BNC2: variants seen among roughly 807,000 people sequenced by gnomAD.
BNC2 encodes the protein zinc finger protein basonuclin-2.
In BNC2, 20 loss-of-function variants were observed where a neutral mutation model predicts 76.3. The observed-to-expected ratio is 0.26, with a 90% CI of 0.18 to 0.38. The LOEUF (loss-of-function observed/expected upper bound fraction) is 0.38, where lower values mean the gene tolerates loss of function less well. Among genes scored for constraint, BNC2 ranks in the 10% least tolerant of loss-of-function variants. The pLI is 1.00. For missense variants in BNC2, 1,382 were observed against 1,399.8 expected, an observed-to-expected ratio of 0.99 and a Z score of 0.20; for synonymous variants, 582 against 514.8, an observed-to-expected ratio of 1.13 and a Z score of -1.77.
At chr9:16,849,454 G>A (rs991990700) in intron 1 of BNC2, among the ~76,000 whole-genome samples, 2 of 137,574 alleles carry the variant, frequency 1.5e-5, no homozygotes, top group Admixed American at 1.6e-4. Flanking sequence ...CACCTCCCAA[G>A]TTCAAGCAAG....
intron 1 of BNC2, among the ~76,000 whole-genome samples, chr9:16,788,247 A>C (rs999832931): frequency 6.6e-6 from 1 of 152,132 alleles, no homozygotes; most frequent in Non-Finnish European, 1.5e-5. Context: ...TTGGCTGATG[A>C]CACTCCATAA....
At chr9:16,694,870 C>T (rs1037082367) in intron 3 of BNC2, among the ~76,000 whole-genome samples, 7 of 151,854 alleles carry the variant, frequency 4.6e-5, no homozygotes, top group Non-Finnish European at 8.8e-5. Context: ...TAAGGGATAC[C>T]CCCCCACCCC....
At chr9:16,553,405 C>T (rs866092605) in intron 4 of BNC2, among the ~76,000 whole-genome samples, 3 of 152,226 alleles carry the variant, frequency 2.0e-5, no homozygotes, top group Middle Eastern at 6.8e-3. Context: ...CAATTTCTCT[C>T]GTTAGTCACC....
intron 5 of BNC2, among the ~76,000 whole-genome samples, chr9:16,547,640 T>C (rs1818527433): frequency 6.6e-6 from 1 of 152,192 alleles, no homozygotes; most frequent in Admixed American, 6.5e-5. Flanking sequence ...TGGTCCTCTG[T>C]AAGAAAGTGA....
intron 5 of BNC2, among the ~76,000 whole-genome samples, chr9:16,479,891 C>T (rs747876383): frequency 9.2e-5 from 14 of 152,148 alleles, no homozygotes; most frequent in Non-Finnish European, 1.6e-4. Context: ...AGAATACTTA[C>T]CTTTGACAGT....
chr9:16,492,870 A>G (rs1822307428), intron 5 of BNC2, among the ~76,000 whole-genome samples: 1 of 152,020 alleles, frequency 6.6e-6, no homozygotes, highest in African/African-American at 2.4e-5. Flanking sequence ...GGTAGTCTGA[A>G]ACGTTGTGTC....
At chr9:16,439,454 G>A (rs1461079414) in intron 5 of BNC2, among the ~76,000 whole-genome samples, 4 of 152,092 alleles carry the variant, frequency 2.6e-5, no homozygotes, top group Non-Finnish European at 5.9e-5. Context: ...GACATTAGTG[G>A]GAAAATTAGC....
intron 1 of BNC2, among the ~76,000 whole-genome samples, chr9:16,767,117 G>A (rs775537641): frequency 1.3e-5 from 2 of 152,186 alleles, no homozygotes; most frequent in South Asian, 2.1e-4. Context: ...TAGGAAGATC[G>A]TAAGAGTGAG....
intron 1 of BNC2, among the ~76,000 whole-genome samples, chr9:16,842,961 A>C (rs1486370861): frequency 6.6e-6 from 1 of 152,166 alleles, no homozygotes; most frequent in Admixed American, 6.5e-5. Context: ...CATGTTGGCC[A>C]GGCTGGAGTC....
At chr9:16,695,817 T>A (rs1424628641) in intron 3 of BNC2, among the ~76,000 whole-genome samples, 1 of 152,134 alleles carries the variant, frequency 6.6e-6, no homozygotes, top group Non-Finnish European at 1.5e-5. Flanking sequence ...ATTTTCAAAC[T>A]CTCACTAGAT....
At chr9:16,641,841 T>C (rs1318992567) in intron 3 of BNC2, among the ~76,000 whole-genome samples, 1 of 152,226 alleles carries the variant, frequency 6.6e-6, no homozygotes, top group Admixed American at 6.5e-5. Context: ...CATTCCCACA[T>C]GAGAATTCCC....
intron 3 of BNC2, among the ~76,000 whole-genome samples, chr9:16,657,762 G>C (rs1354837441): frequency 6.6e-6 from 1 of 152,116 alleles, no homozygotes; most frequent in Non-Finnish European, 1.5e-5. Context: ...CATAATATCA[G>C]ACATACAAAT....
Position 16,498,450 on chromosome 9 carries a change from T to C in BNC2, c.669+54080A>G, listed in dbSNP as rs190242940. Reference sequence around the variant, plus strand: ...CAAACACCGTATGTACTCACTGATATGTGGGAGCTAAGCTATGAGGACGCA... The same window carrying C: ...CAAACACCGTATGTACTCACTGATACGTGGGAGCTAAGCTATGAGGACGCA... On this transcript the variant is annotated intron_variant, in intron 5 of 6. Transcript: ENST00000380672. Among the ~76,000 whole-genome samples, 505 of 150,874 alleles carry C rather than the reference T, an allele frequency of 3.3e-3. 2 individuals are homozygous for C. Among genetic ancestry groups the C allele is most frequent in the African/African-American group, 0.012 (480 of 41,160 alleles).
intron 5 of BNC2, among the ~76,000 whole-genome samples, chr9:16,483,556 G>C (rs1395620219): frequency 6.6e-6 from 1 of 152,174 alleles, no homozygotes; most frequent in Non-Finnish European, 1.5e-5. Context: ...TATATGCCAT[G>C]AAATAGGAGG....
intron 5 of BNC2, among the ~76,000 whole-genome samples, chr9:16,474,669 T>C (rs1821892739): frequency 6.6e-6 from 1 of 152,206 alleles, no homozygotes; most frequent in Admixed American, 6.5e-5. Context: ...TCCTAGTTTA[T>C]CTTCATATAG....
chr9:16,608,342 G>A (rs759118885), intron 3 of BNC2, among the ~76,000 whole-genome samples: 3 of 151,794 alleles, frequency 2.0e-5, no homozygotes, highest in Non-Finnish European at 4.4e-5. Context: ...AAATAAAAAC[G>A]TTTCTTCCCC....
chr9:16,418,664 CTGTGTGTGTGTG>C lies in BNC2; in HGVS notation c.*313_*324del, dbSNP rs139823578. On this transcript the variant is annotated 3_prime_UTR_variant, in exon 7 of 7. Coordinates refer to ENST00000380672, the MANE Select transcript of BNC2 (RefSeq NM_017637.6). ...TGTCAAAACTGGGGCTAGTTGCACA[CTGTGTGTGTGTG>C]TGTGTGTGTGTGTGTATGTGCATGT... The C allele has an allele frequency of 1.4e-5, 3 of 214,744 alleles. No homozygotes were observed. The highest frequency in any genetic ancestry group is 1.1e-4 in the South Asian group (1 of 8,854). 13.3% of individuals were successfully genotyped at this position (214,744 alleles called of 1,614,324 possible). A position where few individuals can be genotyped will look rare whatever the true frequency, so the allele number is the denominator to read the frequency against.
chr9:16,448,382 C>T (rs187684434), intron 5 of BNC2, among the ~76,000 whole-genome samples: 106 of 152,152 alleles, frequency 7.0e-4, no homozygotes, highest in Non-Finnish European at 1.2e-3. Context: ...CAAGTAAGGG[C>T]CAAAACTTGA....
At chr9:16,574,323 G>A (rs1442040303) in intron 4 of BNC2, among the ~76,000 whole-genome samples, 1 of 152,086 alleles carries the variant, frequency 6.6e-6, no homozygotes, top group East Asian at 1.9e-4. Flanking sequence ...CAAAAAGACA[G>A]GTGTGAAAAT....
Sources: gnomAD v4.1 joint callset for allele counts (sites outside exome capture counted in the v4.1 genomes callset) on GRCh38, gnomAD v4.1.1 for gene constraint, MANE v1.5 for transcripts, NCBI Gene and HGNC (gene_info 2026-07-23, HGNC 2026-07-21) for gene names.